Variants in RNF168 observed in about 807,000 individuals in gnomAD.
RNF168 encodes ring finger protein 168.
In RNF168, 34 loss-of-function variants were observed where a neutral mutation model predicts 34.9. That is an observed-to-expected ratio of 0.97 (90% CI 0.74 to 1.30). The LOEUF (loss-of-function observed/expected upper bound fraction) is 1.30, where lower values mean the gene tolerates loss of function less well. RNF168 is among the 50% of genes most tolerant of loss of function. The pLI, the probability that RNF168 is intolerant of heterozygous loss-of-function variation, is 0.00. For missense variants in RNF168, 725 were observed against 682.5 expected (o/e 1.06, Z -0.69); for synonymous variants, 264 against 254.7 (o/e 1.04, Z -0.35).
At chr3:196,475,347 C>A (rs779094774) in intron 4 of RNF168, 35 bp from the exon 5 acceptor site, 2 of 1,232,666 alleles carry the variant, frequency 1.6e-6, no homozygotes, top group South Asian at 2.4e-5. Flanking sequence ...TCAATGCTTT[C>A]AAAGACAGAT....
chr3:196,503,456 C>A lies in RNF168; in HGVS notation c.-283G>T. ...GGTTTTCGTCGGAGGAGCCTGGCTG[C>A]TCCGCGGCATGAACACCGCGGCTGC... On this transcript the variant is annotated 5_prime_UTR_variant, in exon 1 of 6. Coordinates refer to ENST00000318037, the MANE Select transcript of RNF168 (RefSeq NM_152617.4). 1 of 445,588 alleles carries A rather than the reference C, an allele frequency of 2.2e-6. No homozygotes were observed. The highest frequency in any genetic ancestry group is 2.1e-5 in the South Asian group (1 of 47,448). The allele number at this position is 445,588 out of a possible 1,614,324, so 27.6% of individuals were successfully genotyped here.
rs187408102 is a variant in RNF168, at chr3:196,475,751, C to T, written c.681-439G>A. On this transcript the variant is annotated intron_variant, in intron 4 of 5. Transcript: ENST00000318037. ...ATTTTTAGTAGAGACGAGGTTTCACCGTGTTAGCCAGGATGGTCTCGATCT... is the reference window on the plus strand; with the variant it reads ...ATTTTTAGTAGAGACGAGGTTTCACTGTGTTAGCCAGGATGGTCTCGATCT... 8.0e-3 allele frequency among the ~76,000 whole-genome samples: 1,214 copies of T among 151,448 alleles called. 12 individuals are homozygous for T. The highest frequency in any genetic ancestry group is 0.027 in the African/African-American group (1,112 of 41,288).
chr3:196,480,973 CTTTTA>C (rs1732271454), intron 4 of RNF168, among the ~76,000 whole-genome samples: 3 of 152,094 alleles, frequency 2.0e-5, no homozygotes, highest in Non-Finnish European at 1.5e-5. Context: ...TTTTTAAGTA[CTTTTA>C]TTTTCTGATA....
intron 4 of RNF168, among the ~76,000 whole-genome samples, chr3:196,478,570 G>A (rs769762123): frequency 2.6e-5 from 4 of 152,142 alleles, no homozygotes; most frequent in African/African-American, 7.2e-5. Context: ...ATTAAACTCT[G>A]TTAATTTGTC....
In RNF168 at chr3:196,502,054, GAAAAAAAAAAAAA is replaced by G. The variant is rs554041803; in HGVS notation, c.301+806_301+818del. ...ATATAACTGTGACCAAAAAAAATTAGAAAAAAAAAAAAAAAAAAAAAAAAAAAGACCTGTCCAC... is the reference window on the plus strand; with the variant it reads ...ATATAACTGTGACCAAAAAAAATTAGAAAAAAAAAAAAAAGACCTGTCCAC... On this transcript the variant is annotated intron_variant, in intron 1 of 5. Coordinates refer to ENST00000318037, the MANE Select transcript of RNF168 (RefSeq NM_152617.4). 1.2e-3 allele frequency among the ~76,000 whole-genome samples: 61 copies of G among 50,046 alleles called. No homozygotes were observed. The South Asian group carries it at 0.02, about 16-fold the overall frequency. 32.8% of individuals were successfully genotyped at this position (50,046 alleles called of 152,430 possible).
chr3:196,477,949 T>C (rs1732186236), intron 4 of RNF168, among the ~76,000 whole-genome samples: 1 of 152,016 alleles, frequency 6.6e-6, no homozygotes, highest in Non-Finnish European at 1.5e-5. Flanking sequence ...CTGGACATAA[T>C]GGTGTGTGCC....
At chr3:196,502,054 G>GAAAAAAAAAAAAAAAAAAAA (rs554041803) in intron 1 of RNF168, among the ~76,000 whole-genome samples, 1 of 50,056 alleles carries the variant, frequency 2.0e-5, no homozygotes, top group Non-Finnish European at 3.8e-5. Flanking sequence ...AAAAAAATTA[G>GAAAAAAAAAAAAAAAAAAAA]AAAAAAAAAA....
chr3:196,472,863 G>C (rs1732046873), intron 5 of RNF168, 91 bp from the exon 6 acceptor site: 4 of 746,904 alleles, frequency 5.4e-6, no homozygotes, highest in Non-Finnish European at 9.6e-6. Context: ...CAGCTGGACT[G>C]TCACTATACA....
At chr3:196,478,649 TTTGA>T (rs1337418349) in intron 4 of RNF168, among the ~76,000 whole-genome samples, 1 of 151,860 alleles carries the variant, frequency 6.6e-6, no homozygotes. Flanking sequence ...ACACACTCTT[TTTGA>T]TTTTGTTTAT....
rs545716847 is a variant in RNF168, at chr3:196,489,332, G to GTT, written c.302-651_302-650dup. On this transcript the variant is annotated intron_variant, in intron 1 of 5. Transcript: ENST00000318037. The stretch of plus-strand genomic sequence containing the variant: ...GGAGGTTAACTGATTAAAAAAAAAT[G>GTT]TTTTTTTTTTTTGAGACAGAGTCTT... Among the ~76,000 whole-genome samples, 205 of 141,048 alleles carry GTT rather than the reference G, an allele frequency of 1.5e-3. 1 individual carries two copies. Among genetic ancestry groups the GTT allele is most frequent in the African/African-American group, 4.8e-3 (189 of 39,108 alleles). 92.5% of individuals were successfully genotyped at this position (141,048 alleles called of 152,430 possible).
chr3:196,501,086 G>C (rs897659010), intron 1 of RNF168, among the ~76,000 whole-genome samples: 1 of 152,228 alleles, frequency 6.6e-6, no homozygotes, highest in Non-Finnish European at 1.5e-5. Context: ...ACAAGTGTTG[G>C]TGAGGAAGTG....
At chr3:196,484,194 G>A (rs111836737) in intron 3 of RNF168, among the ~76,000 whole-genome samples, 2,289 of 56,958 alleles carry the variant, frequency 0.04, 88 homozygotes, top group African/African-American at 0.17. Context: ...TTTTTGAGAC[G>A]CAGTCTCGCT....
intron 1 of RNF168, among the ~76,000 whole-genome samples, chr3:196,496,256 A>G (rs1352547636): frequency 6.6e-6 from 1 of 152,222 alleles, no homozygotes; most frequent in Non-Finnish European, 1.5e-5. Flanking sequence ...AGTTCTGGCT[A>G]AAAGTCCAAA....
chr3:196,502,836 C>A, intron 1 of RNF168, 37 bp downstream of exon 1: 5 of 1,577,244 alleles, frequency 3.2e-6, no homozygotes, highest in Non-Finnish European at 4.4e-6. Flanking sequence ...CAAAGACTTG[C>A]GGCTTTTGGC....
chr3:196,487,698 A>G, intron 2 of RNF168, 120 bp from the exon 3 acceptor site: 1 of 932,726 alleles, frequency 1.1e-6, no homozygotes, highest in South Asian at 1.4e-5. Flanking sequence ...AATGATCTCA[A>G]ATGAAGTACA....
chr3:196,503,717 A>C lies in RNF168; in HGVS notation c.-544T>G. On this transcript the variant is annotated 5_prime_UTR_variant, in exon 1 of 6. Transcript: ENST00000318037. ...AGAGCTCCGCGCCCCCGTCCCTCCT[A>C]CGCAGCCAGAAACCCTATTCGTTGC... 1 of 176,948 alleles carries C rather than the reference A, an allele frequency of 5.7e-6. No homozygotes were observed. Among genetic ancestry groups the C allele is most frequent in the Non-Finnish European group, 1.2e-5 (1 of 81,956 alleles). The allele number at this position is 176,948 out of a possible 1,614,324, so 11.0% of individuals were successfully genotyped here. A position where few individuals can be genotyped will look rare whatever the true frequency, so the allele number is the denominator to read the frequency against.
intron 4 of RNF168, among the ~76,000 whole-genome samples, chr3:196,477,900 C>T (rs529124594): frequency 2.0e-5 from 3 of 151,876 alleles, no homozygotes; most frequent in East Asian, 1.9e-4. Context: ...GACAACACAG[C>T]AAGACCCATC....
chr3:196,492,980 T>C (rs1248546813), intron 1 of RNF168, among the ~76,000 whole-genome samples: 1 of 145,468 alleles, frequency 6.9e-6, no homozygotes, highest in Non-Finnish European at 1.5e-5. Flanking sequence ...GATTAAAAAA[T>C]GGAAAAAAAC....
chr3:196,487,095 G>A (rs1049469067), intron 3 of RNF168, among the ~76,000 whole-genome samples: 1 of 152,190 alleles, frequency 6.6e-6, no homozygotes, highest in African/African-American at 2.4e-5. Flanking sequence ...GAGCAAATAT[G>A]TAACAATATG....
Sources: gnomAD v4.1 joint callset for allele counts (sites outside exome capture counted in the v4.1 genomes callset) on GRCh38, gnomAD v4.1.1 for gene constraint, MANE v1.5 for transcripts, NCBI Gene and HGNC (gene_info 2026-07-23, HGNC 2026-07-21) for gene names.